The following COBLL1 variants were observed in gnomAD, a reference collection of about 807,000 sequenced individuals.
COBLL1 encodes cordon-bleu WH2 repeat protein like 1.
COBLL1 carries 50 observed loss-of-function variants against 94.8 expected under a neutral mutation model. That is an observed-to-expected ratio of 0.53 (90% CI 0.42 to 0.67). COBLL1 has a LOEUF of 0.67. Ranked by LOEUF, COBLL1 falls within the 30% of genes least tolerant of loss-of-function variation. The probability of loss-of-function intolerance (pLI) is 0.00; values close to 1 mark genes in which losing one functional copy is unlikely to be tolerated. For missense variants in COBLL1, 1,362 were observed against 1,348.7 expected (o/e 1.01, Z -0.15); for synonymous variants, 448 against 473.8 (o/e 0.95, Z 0.71).
At chr2:164,692,189 C>A (rs1488992112) in intron 13 of COBLL1, 32 bp downstream of exon 13, 2 of 1,533,586 alleles carry the variant, frequency 1.3e-6, no homozygotes, top group South Asian at 1.3e-5. Context: ...GACAATAAAC[C>A]CACTGTCACC....
chr2:164,802,525 T>C (rs111264543), intron 2 of COBLL1, among the ~76,000 whole-genome samples: 1,735 of 131,014 alleles, frequency 0.013, 32 homozygotes, highest in African/African-American at 0.051. Context: ...AGAGGGATTT[T>C]GCTGAAATCA....
chr2:164,805,325 C>CTATATATATATA (rs1185358869), intron 2 of COBLL1, among the ~76,000 whole-genome samples: 2 of 31,528 alleles, frequency 6.3e-5, no homozygotes, highest in African/African-American at 2.5e-4. Context: ...CTCTCTCTCT[C>CTATATATATATA]TCTCTCTCTC....
chr2:164,764,683 T>C (rs1212391911), intron 2 of COBLL1, among the ~76,000 whole-genome samples: 1 of 152,152 alleles, frequency 6.6e-6, no homozygotes, highest in Non-Finnish European at 1.5e-5. Flanking sequence ...TCACAGACTA[T>C]GGAGGTCATG....
At chr2:164,799,962 A>C (rs1683680146) in intron 2 of COBLL1, among the ~76,000 whole-genome samples, 1 of 152,186 alleles carries the variant, frequency 6.6e-6, no homozygotes, top group Non-Finnish European at 1.5e-5. Flanking sequence ...AATACATCTA[A>C]ATACAAAATG....
chr2:164,694,147 G>T, intron 12 of COBLL1, 122 bp downstream of exon 12: 1 of 949,432 alleles, frequency 1.1e-6, no homozygotes, highest in Non-Finnish European at 1.6e-6. Flanking sequence ...CACTACAATA[G>T]CTTAATTTCA....
At chr2:164,745,285 T>G (rs756366911) in intron 2 of COBLL1, among the ~76,000 whole-genome samples, 11 of 152,180 alleles carry the variant, frequency 7.2e-5, no homozygotes, top group Non-Finnish European at 1.3e-4. Context: ...CCCTTAACTC[T>G]TAGTGGTATA....
intron 2 of COBLL1, among the ~76,000 whole-genome samples, chr2:164,804,110 CAA>C (rs71393642): frequency 2.9e-4 from 24 of 82,548 alleles, no homozygotes; most frequent in Admixed American, 3.8e-4. Context: ...TAGGCCTTAG[CAA>C]AAAAAAAAAA....
rs1414778031 is a variant in COBLL1, at chr2:164,704,518, G to A, written c.1151C>T (p.Ala384Val). 3 of 1,610,686 alleles carry A rather than the reference G, an allele frequency of 1.9e-6. No homozygotes were observed. Among genetic ancestry groups the A allele is most frequent in the Admixed American group, 1.7e-5 (1 of 60,012 alleles). The change falls in exon 9 of 14, where the codon GCC (alanine) becomes GTC (valine). Residue 384 changes from alanine (A) to valine (V), a missense_variant and splice_region_variant. By Grantham distance (64) the Ala-to-Val change is moderately conservative. Coordinates refer to ENST00000652658, the MANE Select transcript of COBLL1 (RefSeq NM_001365672.2). ...HQSDENSRVTALQPVDGVPPD... is the reference protein window; with the variant it reads ...HQSDENSRVTVLQPVDGVPPD... Reference sequence around the variant, plus strand: ...AGGAACTCCATCTACTGGCTGTAAGGCTAAAGGAAAGAAGCAACACAACTT... The same window carrying A: ...AGGAACTCCATCTACTGGCTGTAAGACTAAAGGAAAGAAGCAACACAACTT...
intron 2 of COBLL1, among the ~76,000 whole-genome samples, chr2:164,805,336 T>TA (rs1559033598): frequency 1.5e-4 from 9 of 60,354 alleles, no homozygotes; most frequent in African/African-American, 5.8e-4. Flanking sequence ...TCTCTCTCTC[T>TA]CTATATATAT....
At chr2:164,700,388 T>G (rs533597661) in intron 10 of COBLL1, 134 bp downstream of exon 10, 5 of 576,156 alleles carry the variant, frequency 8.7e-6, no homozygotes, top group Non-Finnish European at 1.5e-5. Flanking sequence ...AACATTCTTA[T>G]ATAATGGTAA....
chr2:164,679,777 C>G (rs1682956057), downstream of COBLL1, among the ~76,000 whole-genome samples: 1 of 144,676 alleles, frequency 6.9e-6, no homozygotes, highest in African/African-American at 2.6e-5. Context: ...CACTGGGCCT[C>G]TCGGGGGGTG....
At chr2:164,697,197 T>C (rs1683999911) in intron 11 of COBLL1, 1 of 152,206 alleles carries the variant, frequency 6.6e-6, no homozygotes, top group Non-Finnish European at 1.5e-5. Context: ...TAATATTCTA[T>C]ATTGTGTTGC....
chr2:164,692,637 T>C (rs1265936002), intron 12 of COBLL1: 1 of 359,738 alleles, frequency 2.8e-6, no homozygotes, highest in Non-Finnish European at 5.0e-6. Context: ...TACCACTCTT[T>C]GCTTCATAAA....
intron 2 of COBLL1, among the ~76,000 whole-genome samples, chr2:164,756,108 C>A (rs1016509135): frequency 2.1e-5 from 3 of 142,324 alleles, no homozygotes; most frequent in Admixed American, 2.1e-4. Flanking sequence ...AGAGAGAGAG[C>A]AAGAGTGAGG....
At chr2:164,716,763 G>A (rs948461120) in intron 7 of COBLL1, among the ~76,000 whole-genome samples, 2 of 151,982 alleles carry the variant, frequency 1.3e-5, no homozygotes, top group African/African-American at 4.8e-5. Context: ...CCTTTTATGT[G>A]AGCATTTTCA....
intron 12 of COBLL1, among the ~76,000 whole-genome samples, 183 bp downstream of exon 12, chr2:164,694,086 T>A (rs1683763661): frequency 6.6e-6 from 1 of 152,166 alleles, no homozygotes; most frequent in African/African-American, 2.4e-5. Context: ...ACAAGTTATA[T>A]AAGTTATAAT....
intron 7 of COBLL1, among the ~76,000 whole-genome samples, chr2:164,712,871 G>C (rs941316487): frequency 6.6e-6 from 1 of 151,856 alleles, no homozygotes; most frequent in Non-Finnish European, 1.5e-5. Flanking sequence ...AATAAAAGTC[G>C]CCTCATAGAA....
rs150087835 is a variant in COBLL1, at chr2:164,732,041, T to C, written c.231-1926A>G. Among the ~76,000 whole-genome samples, 741 of 152,294 alleles carry C rather than the reference T, an allele frequency of 4.9e-3. 7 individuals carry two copies. Among genetic ancestry groups the C allele is most frequent in the African/African-American group, 0.017 (693 of 41,558 alleles). ...ATCTCTACTTTCTGTGGTCGCTGCC[T>C]ACTCCTAGGCCAGTCCAATCTTTAT... is the stretch of plus-strand genomic sequence containing the variant. On this transcript the variant is annotated intron_variant, in intron 3 of 13. Coordinates refer to ENST00000652658, the MANE Select transcript of COBLL1 (RefSeq NM_001365672.2).
Position 164,695,135 on chromosome 2 carries a change from T to G in COBLL1, c.2257A>C (p.Ile753Leu). The change falls in exon 12 of 14, where the codon ATA becomes CTA. Residue 753 changes from isoleucine (I) to leucine (L), a missense_variant. Coordinates refer to ENST00000652658, the MANE Select transcript of COBLL1 (RefSeq NM_001365672.2). ...ATGTCCTGATCATCTTTATACTCTATGGTTTCTGATTGCCAGTCTTTCGAT... is the reference window on the plus strand; with the variant it reads ...ATGTCCTGATCATCTTTATACTCTAGGGTTTCTGATTGCCAGTCTTTCGAT... ...EISKDWQSET[I>L]EYKDDQDMHA... The G allele has an allele frequency of 6.2e-7, 1 of 1,613,982 alleles. No individual in the cohort carries two copies. Among genetic ancestry groups the G allele is most frequent in the Non-Finnish European group, 8.5e-7 (1 of 1,179,946 alleles).
Sources: allele counts gnomAD v4.1 joint callset (sites outside exome capture counted in the v4.1 genomes callset), GRCh38; gene constraint gnomAD v4.1.1; transcripts MANE v1.5; gene names NCBI Gene and HGNC (gene_info 2026-07-23, HGNC 2026-07-21).